PCDHGB2: variants seen among roughly 807,000 people sequenced by gnomAD.
PCDHGB2 encodes protocadherin gamma-B2.
PCDHGB2 carries 55 observed loss-of-function variants against 59.3 expected under a neutral mutation model. That is an observed-to-expected ratio of 0.93 (90% CI 0.75 to 1.16). The LOEUF (loss-of-function observed/expected upper bound fraction) is 1.16. PCDHGB2 is among the 50% of genes most tolerant of loss of function. The probability of loss-of-function intolerance (pLI) is 0.00; values close to 1 mark genes in which losing one functional copy is unlikely to be tolerated. For synonymous variants in PCDHGB2, 516 were observed against 512.0 expected (o/e 1.01, Z -0.11); for missense variants, 1,228 against 1,198.5 (o/e 1.02, Z -0.36).
At chr5:141,505,816 C>A (rs1236221927) in intron 3 of PCDHGB2, among the ~76,000 whole-genome samples, 2 of 152,178 alleles carry the variant, frequency 1.3e-5, no homozygotes, top group African/African-American at 4.8e-5. Flanking sequence ...CTTGCTCAAT[C>A]TCTCTAAACC....
chr5:141,366,343 C>T, intron 1 of PCDHGB2: 2 of 1,613,936 alleles, frequency 1.2e-6, no homozygotes, highest in Non-Finnish European at 1.7e-6. Context: ...TCCCTGACAT[C>T]CTGGCTGACC....
intron 2 of PCDHGB2, among the ~76,000 whole-genome samples, chr5:141,501,290 T>TAC (rs55762287): frequency 0.12 from 16,682 of 135,960 alleles, 995 homozygotes; most frequent in African/African-American, 0.18. Flanking sequence ...TATTCCCTTA[T>TAC]ACACACACAC....
At chr5:141,419,762 A>G in intron 1 of PCDHGB2, 1 of 1,614,008 alleles carries the variant, frequency 6.2e-7, no homozygotes, top group Non-Finnish European at 8.5e-7. Context: ...TTTGGGTGAC[A>G]AGGACTCGGT....
intron 1 of PCDHGB2, chr5:141,442,056 C>T: frequency 5.0e-6 from 1 of 198,150 alleles, no homozygotes; most frequent in Non-Finnish European, 1.0e-5. Flanking sequence ...GGTCGCGGTG[C>T]ACTGCGGTGG....
intron 1 of PCDHGB2, chr5:141,416,446 G>A (rs192789193): frequency 8.5e-5 from 13 of 152,284 alleles, no homozygotes; most frequent in East Asian, 5.8e-4. Context: ...GTAAATATGG[G>A]TTGGGAAGAC....
intron 1 of PCDHGB2, chr5:141,420,323 A>G (rs753373746): frequency 2.1e-6 from 3 of 1,410,102 alleles, no homozygotes; most frequent in East Asian, 2.4e-5. Flanking sequence ...CAATATGCCA[A>G]TATATTCCAA....
At chr5:141,377,625 G>GT (rs1774202160) in intron 1 of PCDHGB2, 1 of 150,730 alleles carries the variant, frequency 6.6e-6, no homozygotes, top group South Asian at 2.1e-4. Flanking sequence ...AAAAGATTTT[G>GT]TTTTTTCTCA....
chr5:141,409,303 C>G, intron 1 of PCDHGB2: 3 of 1,613,922 alleles, frequency 1.9e-6, no homozygotes, highest in South Asian at 2.2e-5. Flanking sequence ...TGGTTGTTGC[C>G]CTCTTCAAAA....
At chr5:141,376,106 C>A (rs747782630) in intron 1 of PCDHGB2, 2 of 1,613,796 alleles carry the variant, frequency 1.2e-6, no homozygotes, top group East Asian at 4.5e-5. Context: ...CCTGGCCGAC[C>A]TGGGCAGCCT....
chr5:141,477,351 G>A lies in PCDHGB2; in HGVS notation c.2422-17456G>A. 6.2e-7 allele frequency: 1 copy of A among 1,614,126 alleles called. No homozygotes were observed. The highest frequency in any genetic ancestry group is 8.5e-7 in the Non-Finnish European group (1 of 1,180,018). On this transcript the variant is annotated intron_variant, in intron 1 of 3. Transcript: ENST00000522605. This position sits in a 1 kb window ranked among gnomAD's most constrained non-coding sequence, Gnocchi z 4.9. ...AAGAATTACTTCACTTTGAAAACCA[G>A]TGCAGACCTGGATCGGGAGACTGTG...
chr5:141,495,943 CTGT>C (rs1324780860), intron 2 of PCDHGB2, among the ~76,000 whole-genome samples: 1 of 152,010 alleles, frequency 6.6e-6, no homozygotes, highest in Non-Finnish European at 1.5e-5. Flanking sequence ...GTCTCTGTGC[CTGT>C]TGTCTTTTTC....
chr5:141,360,269 C>T lies in PCDHGB2; in HGVS notation c.134C>T (p.Ser45Leu), dbSNP rs889254322. The change falls in exon 1 of 4, where the codon TCG (serine) becomes TTG (leucine). Residue 45 changes from serine to leucine, a missense_variant. Ser to Leu is a moderately radical substitution (Grantham distance 145). Around this residue, in one of 3 missense-constraint regions of PCDHGB2, gnomAD observed 781 missense variants for 721.6 expected, o/e 1.08. Transcript: ENST00000522605. ...ATTCCAGAGGAGCTGGCCAAAAACT[C>T]GGTCGTAGGAAACCTCGCCAAGGAT... ...YSIPEELAKN[S>L]VVGNLAKDLG... The T allele has an allele frequency of 1.2e-6, 2 of 1,613,932 alleles. No homozygotes were observed. The highest frequency in any genetic ancestry group is 2.2e-5 in the East Asian group (1 of 44,878).
chr5:141,423,070 C>G, intron 1 of PCDHGB2: 1 of 1,614,132 alleles, frequency 6.2e-7, no homozygotes, highest in Non-Finnish European at 8.5e-7. Flanking sequence ...GGCCAGCGAG[C>G]CGGGACTCTT....
At chr5:141,365,475 T>TG in intron 1 of PCDHGB2, 2 of 1,613,978 alleles carry the variant, frequency 1.2e-6, no homozygotes, top group Non-Finnish European at 8.5e-7. Context: ...AATGGTGAGA[T>TG]TGCATGCTCT....
At chr5:141,419,782 C>T (rs765128711) in intron 1 of PCDHGB2, 9 of 1,614,058 alleles carry the variant, frequency 5.6e-6, no homozygotes, top group Non-Finnish European at 7.6e-6. Flanking sequence ...TCCGCCAGCG[C>T]CTGCTAGTCG....
intron 1 of PCDHGB2, chr5:141,366,256 C>A (rs751677361): frequency 6.2e-7 from 1 of 1,613,584 alleles, no homozygotes; most frequent in African/African-American, 1.3e-5. Flanking sequence ...AGCAGAGCCT[C>A]GTGGTGGCCG....
chr5:141,413,322 G>A, intron 1 of PCDHGB2: 2 of 1,613,940 alleles, frequency 1.2e-6, no homozygotes, highest in Non-Finnish European at 1.7e-6. Flanking sequence ...GCTCTTTCGT[G>A]GGCAACATCT....
intron 1 of PCDHGB2, chr5:141,364,279 G>A: frequency 1.3e-6 from 2 of 1,515,964 alleles, no homozygotes; most frequent in Non-Finnish European, 1.8e-6. Flanking sequence ...AGATAAATAA[G>A]GAAACAGCAG....
chr5:141,415,078 G>T (rs780547982), intron 1 of PCDHGB2: 2 of 1,613,376 alleles, frequency 1.2e-6, no homozygotes, highest in Non-Finnish European at 8.5e-7. Context: ...CACGGCGCGA[G>T]CCCTGCTGGA....
Sources: allele counts gnomAD v4.1 joint callset (sites outside exome capture counted in the v4.1 genomes callset), GRCh38; gene constraint gnomAD v4.1.1; regional missense constraint gnomAD v4.1.1; non-coding constraint Gnocchi (gnomAD v3.1); transcripts MANE v1.5; gene names NCBI Gene and HGNC (gene_info 2026-07-23, HGNC 2026-07-21).